ARFIP1: variants seen among roughly 807,000 people sequenced by gnomAD.
ARFIP1 encodes ARF interacting protein 1.
In ARFIP1, 24 loss-of-function variants were observed where a neutral mutation model predicts 42.5. That is an observed-to-expected ratio of 0.57 (90% CI 0.41 to 0.80). The LOEUF (loss-of-function observed/expected upper bound fraction) is 0.80, where lower values mean the gene tolerates loss of function less well. ARFIP1 is among the 30% of genes least tolerant of loss of function. The pLI, the probability that ARFIP1 is intolerant of heterozygous loss-of-function variation, is 0.00. For missense variants in ARFIP1, 354 were observed against 434.0 expected (o/e 0.82, Z 1.64); for synonymous variants, 141 against 153.7 (o/e 0.92, Z 0.61).
intron 1 of ARFIP1, among the ~76,000 whole-genome samples, chr4:152,804,733 TGTG>T (rs1345282837): frequency 1.3e-5 from 2 of 151,432 alleles, no homozygotes; most frequent in Non-Finnish European, 2.9e-5. Flanking sequence ...AGAGATTTGT[TGTG>T]AGGTTAAATG....
intron 7 of ARFIP1, among the ~76,000 whole-genome samples, chr4:152,886,794 G>A (rs184993352): frequency 6.6e-6 from 1 of 151,934 alleles, no homozygotes; most frequent in Non-Finnish European, 1.5e-5. Context: ...TGCCTGGAAC[G>A]TGGAAAGTGC....
intron 8 of ARFIP1, among the ~76,000 whole-genome samples, chr4:152,908,807 A>T (rs547804687): frequency 2.0e-5 from 3 of 151,976 alleles, no homozygotes; most frequent in African/African-American, 7.3e-5. Context: ...GTTCTACAGA[A>T]GAGATCTGAG....
chr4:152,880,929 T>C (rs780334178), intron 5 of ARFIP1, 34 bp from the exon 6 acceptor site: 1 of 1,544,894 alleles, frequency 6.5e-7, no homozygotes, highest in Non-Finnish European at 8.9e-7. Context: ...GTTTTGTTTT[T>C]TCTTTCTAAA....
At chr4:152,835,971 G>C (rs745909422) in intron 2 of ARFIP1, among the ~76,000 whole-genome samples, 1 of 152,074 alleles carries the variant, frequency 6.6e-6, no homozygotes, top group Non-Finnish European at 1.5e-5. Flanking sequence ...CATGTGGACT[G>C]GGTGAGAACT....
rs112326197 is a variant in ARFIP1 at position 152,891,407 on chromosome 4, T to G, written c.966+3100T>G. ...CGATAAGTATTGTCGGACTGTTCTTTTAAGTAGTAATTGTCATTTAGAAGA... is the reference window on the plus strand; with the variant it reads ...CGATAAGTATTGTCGGACTGTTCTTGTAAGTAGTAATTGTCATTTAGAAGA... On this transcript the variant is annotated intron_variant, in intron 8 of 8. Transcript: ENST00000353617. 4.1e-3 allele frequency among the ~76,000 whole-genome samples: 620 copies of G among 152,348 alleles called. 5 individuals carry two copies. Among genetic ancestry groups the G allele is most frequent in the South Asian group, 0.013 (61 of 4,832 alleles).
intron 5 of ARFIP1, 42 bp downstream of exon 5, chr4:152,872,606 A>T (rs1458096498): frequency 4.2e-6 from 5 of 1,197,038 alleles, no homozygotes; most frequent in Non-Finnish European, 5.9e-6. Flanking sequence ...TGGCTCTAAA[A>T]AAGTTCATTT....
At chr4:152,787,023 T>C (rs954487239) in intron 1 of ARFIP1, among the ~76,000 whole-genome samples, 24 of 152,228 alleles carry the variant, frequency 1.6e-4, no homozygotes, top group African/African-American at 5.8e-4. Context: ...CAATTTACAT[T>C]TATTCATGTG....
intron 1 of ARFIP1, among the ~76,000 whole-genome samples, chr4:152,802,444 C>T (rs945418586): frequency 1.3e-5 from 2 of 152,080 alleles, no homozygotes; most frequent in Admixed American, 1.3e-4. Flanking sequence ...AACAAAATAG[C>T]TACTTGACAT....
intron 8 of ARFIP1, among the ~76,000 whole-genome samples, chr4:152,890,314 G>A (rs1387342623): frequency 1.3e-5 from 2 of 151,894 alleles, no homozygotes; most frequent in Non-Finnish European, 2.9e-5. Flanking sequence ...ACAGAGGGAG[G>A]GAAGGAGACA....
chr4:152,807,187 T>TG (rs1491274719), intron 1 of ARFIP1: 1 of 1,228 alleles, frequency 8.1e-4, no homozygotes, highest in Non-Finnish European at 4.1e-3. Context: ...AGTGATGGAC[T>TG]TTTTTTTTTT....
At chr4:152,836,182 A>G (rs1379678459) in intron 2 of ARFIP1, among the ~76,000 whole-genome samples, 2 of 152,310 alleles carry the variant, frequency 1.3e-5, no homozygotes, top group Non-Finnish European at 2.9e-5. Flanking sequence ...TTGACGGGTA[A>G]GTTCTGGAGA....
chr4:152,821,159 C>G (rs944872014), intron 1 of ARFIP1, among the ~76,000 whole-genome samples: 1 of 151,874 alleles, frequency 6.6e-6, no homozygotes, highest in Non-Finnish European at 1.5e-5. Context: ...CTTTGAAATA[C>G]CAGATAAAGA....
At chr4:152,843,746 G>A (rs2149858511) in intron 2 of ARFIP1, among the ~76,000 whole-genome samples, 1 of 152,230 alleles carries the variant, frequency 6.6e-6, no homozygotes, top group Non-Finnish European at 1.5e-5. Flanking sequence ...CAAACTGAAG[G>A]GCTGTTCTCA....
intron 5 of ARFIP1, among the ~76,000 whole-genome samples, chr4:152,880,304 C>T (rs553448466): frequency 2.0e-5 from 3 of 151,222 alleles, no homozygotes; most frequent in South Asian, 2.1e-4. Context: ...GATTGGACCA[C>T]TGCACTTCAT....
intron 1 of ARFIP1, chr4:152,810,376 A>C (rs1397353156): frequency 1.3e-5 from 2 of 152,214 alleles, no homozygotes; most frequent in Non-Finnish European, 2.9e-5. Context: ...AAATAAAAGT[A>C]ATACCTCCTC....
intron 8 of ARFIP1, among the ~76,000 whole-genome samples, chr4:152,909,201 A>T (rs577900116): frequency 1.3e-5 from 2 of 152,240 alleles, no homozygotes; most frequent in African/African-American, 4.8e-5. Flanking sequence ...CCTGGCCAAC[A>T]TGGTGAAACC....
intron 2 of ARFIP1, among the ~76,000 whole-genome samples, chr4:152,835,180 C>G (rs931528995): frequency 6.6e-6 from 1 of 152,202 alleles, no homozygotes; most frequent in African/African-American, 2.4e-5. Flanking sequence ...TGCTCGGATT[C>G]TTTCTCTACC....
chr4:152,886,309 A>G (rs1561170462), intron 7 of ARFIP1, among the ~76,000 whole-genome samples: 2 of 151,974 alleles, frequency 1.3e-5, no homozygotes, highest in Non-Finnish European at 2.9e-5. Flanking sequence ...GTGGCTTCCC[A>G]TTACTTCTCC....
In ARFIP1 at chr4:152,829,659, C is replaced by T. The variant is rs755820775; in HGVS notation, c.26C>T (p.Ser9Leu). The part of the protein sequence containing the change: MAQESPKN[S>L]AAEIPVTSNG... ...ATGGCTCAAGAATCTCCCAAAAATT[C>T]AGCAGCAGAAATTCCAGTGACTAGT... The change falls in exon 2 of 9, where the codon TCA (serine) becomes TTA (leucine). Residue 9 changes from serine to leucine, a missense_variant. Transcript: ENST00000353617. The T allele has an allele frequency of 6.2e-7, 1 of 1,610,182 alleles. No homozygotes were observed. The highest frequency in any genetic ancestry group is 1.1e-5 in the South Asian group (1 of 90,842).
Sources: gnomAD v4.1 joint callset for allele counts (sites outside exome capture counted in the v4.1 genomes callset) on GRCh38, gnomAD v4.1.1 for gene constraint, MANE v1.5 for transcripts, NCBI Gene and HGNC (gene_info 2026-07-23, HGNC 2026-07-21) for gene names.